Variants in SV2B observed in about 807,000 individuals in gnomAD.
The protein encoded by SV2B is synaptic vesicle glycoprotein 2B.
Under a neutral mutation model 73.9 loss-of-function variants are expected in SV2B, and 41 were observed. The ratio of observed to expected loss-of-function variants is 0.56; its 90% CI spans 0.43 to 0.72. The LOEUF is 0.72. Ranked by LOEUF, SV2B falls within the 30% of genes least tolerant of loss-of-function variation. The probability of loss-of-function intolerance (pLI) is 0.00; values close to 1 mark genes in which losing one functional copy is unlikely to be tolerated. For synonymous variants in SV2B, 314 were observed against 314.2 expected (o/e 1.00, Z 0.01); for missense variants, 764 against 857.8 (o/e 0.89, Z 1.37).
rs535346411 is a variant in SV2B at position 91,278,380 on chromosome 15, C to T, written c.1374-3348C>T. 2.6e-5 allele frequency among the ~76,000 whole-genome samples: 4 copies of T among 151,892 alleles called. No individual in the cohort carries two copies. The South Asian group carries it at 8.3e-4, about 32-fold the overall frequency. Reference sequence around the variant, plus strand: ...ATCACAGGTTGGGTGAAGGCCTGACCCCTACACCTGGAGAATGTAAGAAGT... The same window carrying T: ...ATCACAGGTTGGGTGAAGGCCTGACTCCTACACCTGGAGAATGTAAGAAGT... On this transcript the variant is annotated intron_variant, in intron 9 of 12. Coordinates refer to ENST00000394232, the MANE Select transcript of SV2B (RefSeq NM_001323032.3).
Position 91,284,675 on chromosome 15 carries a change from C to T in SV2B, c.1708+454C>T, listed in dbSNP as rs2048799786. 2.0e-5 allele frequency among the ~76,000 whole-genome samples: 3 copies of T among 152,184 alleles called. No individual in the cohort carries two copies. The South Asian group carries it at 6.2e-4, about 32-fold the overall frequency. On this transcript the variant is annotated intron_variant, in intron 11 of 12. Coordinates refer to ENST00000394232, the MANE Select transcript of SV2B (RefSeq NM_001323032.3). This position sits in a 1 kb window ranked among gnomAD's most constrained non-coding sequence, Gnocchi z 4.5. ...ACAGAGTCATGTTGAAATCCTATCA[C>T]CGAAAGGCTGTTTGACCTTGAATGT...
rs571405614 is a variant in SV2B at position 91,288,149 on chromosome 15, G to A, written c.1709-1372G>A. Among the ~76,000 whole-genome samples, 99 of 152,264 alleles carry A rather than the reference G, an allele frequency of 6.5e-4. No homozygotes were observed. Among genetic ancestry groups the A allele is most frequent in the African/African-American group, 2.3e-3 (97 of 41,548 alleles). The stretch of plus-strand genomic sequence containing the variant: ...AGTCAGATCTCTGGGGTGGGGATTC[G>A]GGTAAATGGGGAATAGCACCGCCTT... On this transcript the variant is annotated intron_variant, in intron 11 of 12. Transcript: ENST00000394232. The surrounding 1 kb of genome is among the most constrained non-coding windows in gnomAD (Gnocchi z 5.8).
At chr15:91,250,928 G>A (rs1409282654) in intron 2 of SV2B, among the ~76,000 whole-genome samples, 1 of 152,056 alleles carries the variant, frequency 6.6e-6, no homozygotes, top group Non-Finnish European at 1.5e-5. Context: ...ACTTCCAATG[G>A]CATTTTTCAT....
rs201212165 is a variant in SV2B, at chr15:91,187,655, G to GT, written c.-391-38214dup. ...CAACCTGCAATTCATTCAATTTTAT[G>GT]TTTTGTTTTTTTTTTTTAAATTGTG... is the stretch of plus-strand genomic sequence containing the variant. On this transcript the variant is annotated intron_variant, in intron 1 of 12. Coordinates refer to ENST00000394232, the MANE Select transcript of SV2B (RefSeq NM_001323032.3). Among the ~76,000 whole-genome samples, 819 of 132,416 alleles carry GT rather than the reference G, an allele frequency of 6.2e-3. 7 individuals are homozygous for GT. The highest frequency in any genetic ancestry group is 0.021 in the African/African-American group (745 of 35,200). 86.9% of individuals were successfully genotyped at this position (132,416 alleles called of 152,430 possible).
At chr15:91,185,954 C>A (rs1404974559) in intron 1 of SV2B, among the ~76,000 whole-genome samples, 6 of 152,178 alleles carry the variant, frequency 3.9e-5, no homozygotes, top group Non-Finnish European at 7.3e-5. Context: ...GTGACCAGAT[C>A]CTCTTCTAAG....
At chr15:91,250,778 C>G (rs879423337) in intron 2 of SV2B, among the ~76,000 whole-genome samples, 11 of 152,204 alleles carry the variant, frequency 7.2e-5, no homozygotes, top group Non-Finnish European at 1.6e-4. Flanking sequence ...ATACTGAAAA[C>G]TATAAGACAT....
At chr15:91,165,558 A>C (rs958400056) in intron 1 of SV2B, among the ~76,000 whole-genome samples, 1 of 152,142 alleles carries the variant, frequency 6.6e-6, no homozygotes, top group Non-Finnish European at 1.5e-5. Context: ...GCATCTGTGG[A>C]TTTTGGTATC....
At chr15:91,248,236 G>T (rs889251497) in intron 2 of SV2B, among the ~76,000 whole-genome samples, 1 of 152,064 alleles carries the variant, frequency 6.6e-6, no homozygotes, top group African/African-American at 2.4e-5. Flanking sequence ...CAGGAGGATG[G>T]CGTGAACCCG....
At chr15:91,152,821 A>G (rs1368034756) in intron 1 of SV2B, among the ~76,000 whole-genome samples, 2 of 152,222 alleles carry the variant, frequency 1.3e-5, no homozygotes, top group Non-Finnish European at 1.5e-5. Context: ...TTAGATAGAT[A>G]AAAGAGTTAA....
intron 1 of SV2B, among the ~76,000 whole-genome samples, chr15:91,219,233 G>A (rs75024219): frequency 0.019 from 2,899 of 152,300 alleles, 32 homozygotes; most frequent in Middle Eastern, 0.048. Context: ...ACAGACATGA[G>A]CCACTGCACC....
chr15:91,212,784 T>G (rs1320011211), intron 1 of SV2B, among the ~76,000 whole-genome samples: 2 of 151,678 alleles, frequency 1.3e-5, no homozygotes, highest in Non-Finnish European at 2.9e-5. Context: ...TGAGACCCTG[T>G]CTCTATAAAA....
At chr15:91,233,397 A>G (rs1404760953) in intron 2 of SV2B, among the ~76,000 whole-genome samples, 1 of 152,220 alleles carries the variant, frequency 6.6e-6, no homozygotes, top group Admixed American at 6.5e-5. Context: ...TCAAATTCCC[A>G]GTTCAAATGC....
At chr15:91,101,269 G>T (rs1367896513) in intron 1 of SV2B, among the ~76,000 whole-genome samples, 1 of 152,012 alleles carries the variant, frequency 6.6e-6, no homozygotes, top group Non-Finnish European at 1.5e-5. Context: ...AGGGAGGACT[G>T]GGCACTGTAG....
intron 1 of SV2B, among the ~76,000 whole-genome samples, chr15:91,179,592 A>G (rs936439085): frequency 5.3e-5 from 8 of 152,092 alleles, no homozygotes; most frequent in Admixed American, 3.9e-4. Context: ...TTGGGTGCAT[A>G]TATATTTAGG....
chr15:91,113,199 C>G (rs1411397411), intron 1 of SV2B, among the ~76,000 whole-genome samples: 1 of 152,178 alleles, frequency 6.6e-6, no homozygotes, highest in African/African-American at 2.4e-5. Context: ...TTCATTTCCT[C>G]GTCCTCCTGG....
Position 91,132,495 on chromosome 15 carries a change from CA to C in SV2B, c.-392+32135del, listed in dbSNP as rs2042686222. Among the ~76,000 whole-genome samples the C allele has an allele frequency of 6.6e-6, 1 of 152,218 alleles. No homozygotes were observed. Among genetic ancestry groups the C allele is most frequent in the African/African-American group, 2.4e-5 (1 of 41,464 alleles). ...AGGCTGGAGTGAAGTTACAAAGTTGCAAACGAAGACGGGACCCTCATTCAGT... is the reference window on the plus strand; with the variant it reads ...AGGCTGGAGTGAAGTTACAAAGTTGCAACGAAGACGGGACCCTCATTCAGT... On this transcript the variant is annotated intron_variant, in intron 1 of 12. Transcript: ENST00000394232. The surrounding 1 kb of genome is among the most constrained non-coding windows in gnomAD (Gnocchi z 4.6).
Position 91,296,858 on chromosome 15 carries a change from G to C in SV2B, c.*4306G>C, listed in dbSNP as rs1480757201. ...TCCTTCTGCCCGATCTTGGGCGCAC[G>C]CTCCTTCTGCCCGATCGTTGGGCGC... On this transcript the variant is annotated 3_prime_UTR_variant, in exon 13 of 13. Coordinates refer to ENST00000394232, the MANE Select transcript of SV2B (RefSeq NM_001323032.3). The C allele has an allele frequency of 7.3e-6, 1 of 136,100 alleles. No individual in the cohort carries two copies. The highest frequency in any genetic ancestry group is 1.5e-5 in the Non-Finnish European group (1 of 65,468). The allele number at this position is 136,100 out of a possible 1,614,324, so 8.4% of individuals were successfully genotyped here. A position where few individuals can be genotyped will look rare whatever the true frequency, so the allele number is the denominator to read the frequency against.
Position 91,121,540 on chromosome 15 carries a change from A to G in SV2B, c.-392+21177A>G, listed in dbSNP as rs2042335646. On this transcript the variant is annotated intron_variant, in intron 1 of 12. Coordinates refer to ENST00000394232, the MANE Select transcript of SV2B (RefSeq NM_001323032.3). The surrounding 1 kb of genome is among the most constrained non-coding windows in gnomAD (Gnocchi z 4.4). ...TTATGTCATTATTTTTTACCTTTTT[A>G]TATTTTTTTCTTTTCTGTCTGAAGG... is the stretch of plus-strand genomic sequence containing the variant. Among the ~76,000 whole-genome samples the G allele has an allele frequency of 6.6e-6, 1 of 151,346 alleles. No individual in the cohort carries two copies. Among genetic ancestry groups the G allele is most frequent in the African/African-American group, 2.4e-5 (1 of 41,134 alleles).
rs535165981 is a variant in SV2B at position 91,276,751 on chromosome 15, A to G, written c.1374-4977A>G. 4.5e-4 allele frequency among the ~76,000 whole-genome samples: 68 copies of G among 151,000 alleles called. 1 individual carries two copies. Among genetic ancestry groups the G allele is most frequent in the Admixed American group, 7.2e-4 (11 of 15,198 alleles). ...CCTTTAAGGCTTTAATATGTTAATA[A>G]TAATTATATTAAATTCCCTGCCTGA... On this transcript the variant is annotated intron_variant, in intron 9 of 12. Transcript: ENST00000394232.
Sources: allele counts gnomAD v4.1 joint callset (sites outside exome capture counted in the v4.1 genomes callset), GRCh38; gene constraint gnomAD v4.1.1; non-coding constraint Gnocchi (gnomAD v3.1); transcripts MANE v1.5; gene names NCBI Gene and HGNC (gene_info 2026-07-23, HGNC 2026-07-21).